Variants in EXOC4 observed in about 807,000 individuals in gnomAD.
EXOC4 encodes SEC8-like 1.
In EXOC4, 71 loss-of-function variants were observed where a neutral mutation model predicts 107.2. The observed-to-expected ratio is 0.66, with a 90% confidence interval of 0.55 to 0.81. The LOEUF (loss-of-function observed/expected upper bound fraction) is 0.81. EXOC4 is among the 30% of genes least tolerant of loss of function. The pLI is 0.00. For missense variants in EXOC4, 1,108 were observed against 1,189.6 expected, an observed-to-expected ratio of 0.93 and a Z score of 1.01; for synonymous variants, 456 against 441.2, an observed-to-expected ratio of 1.03 and a Z score of -0.42.
At chr7:133,312,653 T>C (rs889590394) in intron 4 of EXOC4, among the ~76,000 whole-genome samples, 1 of 152,054 alleles carries the variant, frequency 6.6e-6, no homozygotes, top group African/African-American at 2.4e-5. Flanking sequence ...GGAGCATGCG[T>C]GCCATTTTTG....
intron 17 of EXOC4, among the ~76,000 whole-genome samples, chr7:134,046,492 G>A (rs1795655316): frequency 6.6e-6 from 1 of 150,600 alleles, no homozygotes; most frequent in South Asian, 2.1e-4. Flanking sequence ...AAAAAAAGAC[G>A]GCTCAGATGG....
At chr7:133,600,199 G>A (rs1563122402) in intron 9 of EXOC4, among the ~76,000 whole-genome samples, 4 of 152,242 alleles carry the variant, frequency 2.6e-5, no homozygotes, top group Admixed American at 2.6e-4. Context: ...CCACTCTCCC[G>A]TGACTTTTGA....
intron 11 of EXOC4, among the ~76,000 whole-genome samples, chr7:133,825,912 C>A (rs1196709433): frequency 6.6e-6 from 1 of 152,124 alleles, no homozygotes; most frequent in East Asian, 1.9e-4. Flanking sequence ...AGTCTTAGAA[C>A]CAAGATGCCT....
intron 10 of EXOC4, among the ~76,000 whole-genome samples, chr7:133,784,241 T>C (rs369697620): frequency 4.6e-5 from 7 of 152,198 alleles, no homozygotes; most frequent in Admixed American, 2.6e-4. Flanking sequence ...ATAACAGTTA[T>C]TGAACTCTTG....
At chr7:133,377,304 A>G (rs969973351) in intron 7 of EXOC4, among the ~76,000 whole-genome samples, 1 of 152,184 alleles carries the variant, frequency 6.6e-6, no homozygotes, top group Non-Finnish European at 1.5e-5. Context: ...CAGTGAGCCA[A>G]GATTGTGCCT....
the EXOC4 span, among the ~76,000 whole-genome samples, chr7:134,095,216 A>G: frequency 6.6e-6 from 1 of 152,058 alleles, no homozygotes; most frequent in Non-Finnish European, 1.5e-5. Context: ...TAGCCACACC[A>G]AAAACAAAAC....
In EXOC4 at chr7:134,012,212, C is replaced by T. The variant is rs773619684; in HGVS notation, c.2687+4377C>T. On this transcript the variant is annotated intron_variant, in intron 17 of 17. Coordinates refer to ENST00000253861, the MANE Select transcript of EXOC4 (RefSeq NM_021807.4). ...GCTACATAATGTGAATCAGTCTGGC[C>T]GCGATGTTGAAACTAACATCACAGT... 7.2e-5 allele frequency among the ~76,000 whole-genome samples: 11 copies of T among 152,076 alleles called. No individual in the cohort carries two copies. The East Asian group carries it at 9.7e-4, about 13-fold the overall frequency.
intron 9 of EXOC4, among the ~76,000 whole-genome samples, chr7:133,515,561 T>C (rs908909035): frequency 2.3e-4 from 35 of 152,100 alleles, no homozygotes; most frequent in Non-Finnish European, 3.2e-4. Flanking sequence ...GTAGAACTCC[T>C]GGGCTCAAGT....
rs71162035 is a variant in EXOC4, at chr7:133,857,325, GTATATATATATATATATATATA to G, written c.1735-38254_1735-38233del. 1.9e-3 allele frequency among the ~76,000 whole-genome samples: 5 copies of G among 2,598 alleles called. 1 individual carries two copies. Among genetic ancestry groups the G allele is most frequent in the Non-Finnish European group, 3.1e-3 (5 of 1,638 alleles). 1.7% of individuals were successfully genotyped at this position (2,598 alleles called of 152,430 possible). On this transcript the variant is annotated intron_variant, in intron 11 of 17. Coordinates refer to ENST00000253861, the MANE Select transcript of EXOC4 (RefSeq NM_021807.4). ...CGTATATATATATATATATATACAC[GTATATATATATATATATATATA>G]TATATATATATATATATATTTTACC...
At chr7:133,916,815 C>T (rs1413085106) in intron 12 of EXOC4, among the ~76,000 whole-genome samples, 3 of 152,046 alleles carry the variant, frequency 2.0e-5, no homozygotes, top group Non-Finnish European at 2.9e-5. Flanking sequence ...GTATTGCTGA[C>T]GAGGATATTT....
chr7:133,481,463 A>G (rs1001556906), intron 9 of EXOC4, among the ~76,000 whole-genome samples: 1 of 152,196 alleles, frequency 6.6e-6, no homozygotes, highest in Admixed American at 6.5e-5. Flanking sequence ...TTAGTCTTTA[A>G]GACTCATAAT....
At chr7:133,911,504 G>A (rs1255126095) in intron 12 of EXOC4, among the ~76,000 whole-genome samples, 1 of 152,184 alleles carries the variant, frequency 6.6e-6, no homozygotes, top group African/African-American at 2.4e-5. Context: ...TATGTTAGTA[G>A]CCTTTTCATT....
intron 11 of EXOC4, among the ~76,000 whole-genome samples, chr7:133,858,024 T>C (rs1798455572): frequency 6.6e-6 from 1 of 152,162 alleles, no homozygotes; most frequent in Non-Finnish European, 1.5e-5. Context: ...CAGCTCTGGC[T>C]TGGGGAATCC....
chr7:133,651,220 C>T (rs1258071872), intron 10 of EXOC4, among the ~76,000 whole-genome samples: 1 of 151,944 alleles, frequency 6.6e-6, no homozygotes, highest in Non-Finnish European at 1.5e-5. Context: ...GCCTTCTGTT[C>T]TTTAGGGTCT....
rs183355717 is a variant in EXOC4 at position 133,255,478 on chromosome 7, A to G, written c.86+2291A>G. 1.7e-3 allele frequency among the ~76,000 whole-genome samples: 259 copies of G among 152,040 alleles called. 1 individual carries two copies. The highest frequency in any genetic ancestry group is 6.8e-3 in the Middle Eastern group (2 of 294). On this transcript the variant is annotated intron_variant, in intron 1 of 17. Transcript: ENST00000253861. Reference sequence around the variant, plus strand: ...GCATGAACCACCGTGCCCAGCCCTCATTTTTCTACTTTATCCTTGACCACC... The same window carrying G: ...GCATGAACCACCGTGCCCAGCCCTCGTTTTTCTACTTTATCCTTGACCACC...
intron 5 of EXOC4, among the ~76,000 whole-genome samples, chr7:133,353,031 C>A (rs1274965789): frequency 6.6e-6 from 1 of 151,986 alleles, no homozygotes; most frequent in Admixed American, 6.6e-5. Context: ...AATGCATTAG[C>A]CTCTTAAATG....
the EXOC4 span, among the ~76,000 whole-genome samples, chr7:134,100,095 T>A: frequency 6.6e-6 from 1 of 152,170 alleles, no homozygotes; most frequent in Non-Finnish European, 1.5e-5. Flanking sequence ...AAAAAAAATA[T>A]GCATTTTTCT....
intron 4 of EXOC4, among the ~76,000 whole-genome samples, chr7:133,310,661 G>A (rs549212220): frequency 9.9e-5 from 15 of 152,268 alleles, no homozygotes; most frequent in Middle Eastern, 3.4e-3. Flanking sequence ...CACAGGAAGG[G>A]TCTGTTTGGG....
At chr7:133,732,011 A>G (rs150730160) in intron 10 of EXOC4, among the ~76,000 whole-genome samples, 47 of 152,324 alleles carry the variant, frequency 3.1e-4, no homozygotes, top group Non-Finnish European at 5.7e-4. Flanking sequence ...CTGAAGCACT[A>G]TTCACAATAG....
Sources: allele counts gnomAD v4.1 joint callset (sites outside exome capture counted in the v4.1 genomes callset), GRCh38; gene constraint gnomAD v4.1.1; transcripts MANE v1.5; gene names NCBI Gene and HGNC (gene_info 2026-07-23, HGNC 2026-07-21).